Variants in SH2D4A observed in about 807,000 individuals in gnomAD.
SH2D4A encodes SH2 domain-containing protein 4A.
In SH2D4A, 70 loss-of-function variants were observed where a neutral mutation model predicts 64.7. The observed-to-expected ratio is 1.08, with a 90% CI of 0.89 to 1.32. The LOEUF (loss-of-function observed/expected upper bound fraction) is 1.32. Ranked by LOEUF, SH2D4A falls within the 40% of genes most tolerant of loss-of-function variation. The probability of loss-of-function intolerance (pLI) is 0.00; values close to 1 mark genes in which losing one functional copy is unlikely to be tolerated. For missense variants in SH2D4A, 706 were observed against 540.1 expected (o/e 1.31, Z -3.04); for synonymous variants, 268 against 200.7 (o/e 1.34, Z -2.83).
rs1253740807 is a variant in SH2D4A, at chr8:19,363,426, T to A, written c.707-646T>A. Among the ~76,000 whole-genome samples, 11 of 152,180 alleles carry A rather than the reference T, an allele frequency of 7.2e-5. No individual in the cohort carries two copies. In the East Asian group the frequency reaches 1.9e-3, roughly 27 times the overall value. Reference sequence around the variant, plus strand: ...CAAATACTCTTGTGTTACAGTTGCCTTATGATGCATTTCTCAGGATTTATT... The same window carrying A: ...CAAATACTCTTGTGTTACAGTTGCCATATGATGCATTTCTCAGGATTTATT... On this transcript the variant is annotated intron_variant, in intron 6 of 9. Coordinates refer to ENST00000265807, the MANE Select transcript of SH2D4A (RefSeq NM_022071.4).
intron 7 of SH2D4A, among the ~76,000 whole-genome samples, chr8:19,373,305 C>CTCCCATTCTGT (rs1563206815): frequency 2.7e-5 from 4 of 150,676 alleles, no homozygotes; most frequent in African/African-American, 9.8e-5. Flanking sequence ...ATTCCCTCTC[C>CTCCCATTCTGT]CTCCCATTCT....
chr8:19,390,513 C>T (rs1403235240), intron 8 of SH2D4A, among the ~76,000 whole-genome samples: 1 of 152,194 alleles, frequency 6.6e-6, no homozygotes, highest in African/African-American at 2.4e-5. Flanking sequence ...GCACACAGTG[C>T]CCCTGATGGA....
At chr8:19,367,555 T>C (rs1039355174) in intron 7 of SH2D4A, among the ~76,000 whole-genome samples, 2 of 152,206 alleles carry the variant, frequency 1.3e-5, no homozygotes, top group African/African-American at 2.4e-5. Context: ...GAGAAATGCC[T>C]ATTGAGGTTT....
chr8:19,360,691 C>G (rs1202145751), intron 5 of SH2D4A: 1 of 152,172 alleles, frequency 6.6e-6, no homozygotes, highest in Non-Finnish European at 1.5e-5. Flanking sequence ...GGACACATGA[C>G]TCGGGGGAGA....
chr8:19,391,648 G>A (rs942230722), intron 8 of SH2D4A, among the ~76,000 whole-genome samples: 2 of 152,152 alleles, frequency 1.3e-5, no homozygotes, highest in Non-Finnish European at 2.9e-5. Flanking sequence ...TGGGGTCTGT[G>A]TTCTCCTAAA....
intron 1 of SH2D4A, among the ~76,000 whole-genome samples, chr8:19,315,382 C>G (rs1430609499): frequency 2.0e-5 from 3 of 152,220 alleles, no homozygotes; most frequent in African/African-American, 7.2e-5. Context: ...GCAATCCACC[C>G]ATGTCCACCT....
At chr8:19,378,340 C>A (rs1289779536) in intron 8 of SH2D4A, among the ~76,000 whole-genome samples, 1 of 152,028 alleles carries the variant, frequency 6.6e-6, no homozygotes. Flanking sequence ...CACAATCCAC[C>A]CATATTTTAT....
intron 7 of SH2D4A, among the ~76,000 whole-genome samples, chr8:19,364,519 G>C (rs544263936): frequency 1.4e-4 from 21 of 152,154 alleles, no homozygotes; most frequent in Admixed American, 1.2e-3. Flanking sequence ...CAGTGAAATA[G>C]TAAAGCTGTG....
chr8:19,373,650 C>T lies in SH2D4A; in HGVS notation c.1038C>T (p.Pro346=). 1.2e-6 allele frequency: 2 copies of T among 1,613,126 alleles called. No individual in the cohort carries two copies. The highest frequency in any genetic ancestry group is 8.5e-7 in the Non-Finnish European group (1 of 1,179,474). The change falls in exon 8 of 10, where the codon CCC becomes CCT. Residue 346 remains proline (P), a synonymous_variant. Coordinates refer to ENST00000265807, the MANE Select transcript of SH2D4A (RefSeq NM_022071.4). ...AGAAAACCTCAGACACCATAGCCCCCTGGTTCCATGGTGAGTGCAGAGATT... is the reference window on the plus strand; with the variant it reads ...AGAAAACCTCAGACACCATAGCCCCTTGGTTCCATGGTGAGTGCAGAGATT... ...GYQKTSDTIA[P]WFHGILTLKK...
In SH2D4A at chr8:19,354,144, A is replaced by G. The variant is rs555340767; in HGVS notation, c.514-3059A>G. ...TAACTGGGATTAACAGGCATGTGCC[A>G]CCATGCACCACCATGCCAGCTAATT... On this transcript the variant is annotated intron_variant, in intron 4 of 9. Transcript: ENST00000265807. Among the ~76,000 whole-genome samples the G allele has an allele frequency of 9.9e-5, 15 of 152,042 alleles. No individual in the cohort carries two copies. The South Asian group carries it at 2.5e-3, about 25-fold the overall frequency.
intron 2 of SH2D4A, among the ~76,000 whole-genome samples, chr8:19,326,669 T>C (rs1056317174): frequency 6.6e-6 from 1 of 151,880 alleles, no homozygotes; most frequent in Non-Finnish European, 1.5e-5. Context: ...TGTGAGTGTG[T>C]GTGTGTGTAG....
At chr8:19,383,484 A>G (rs2053334367) in intron 8 of SH2D4A, among the ~76,000 whole-genome samples, 1 of 150,490 alleles carries the variant, frequency 6.6e-6, no homozygotes, top group Non-Finnish European at 1.5e-5. Flanking sequence ...GGTCTTTTTC[A>G]GTGACAGTTT....
At chr8:19,357,741 G>A (rs901460146) in intron 5 of SH2D4A, among the ~76,000 whole-genome samples, 8 of 152,096 alleles carry the variant, frequency 5.3e-5, no homozygotes, top group African/African-American at 9.7e-5. Context: ...CCTCTCTCAC[G>A]TCCATCTAGA....
intron 7 of SH2D4A, among the ~76,000 whole-genome samples, chr8:19,368,844 C>T (rs10108589): frequency 0.012 from 1,846 of 152,174 alleles, 36 homozygotes; most frequent in African/African-American, 0.042. Context: ...TGACTCATTC[C>T]TGTGCCTAGG....
At chr8:19,356,404 C>T (rs1426348339) in intron 4 of SH2D4A, among the ~76,000 whole-genome samples, 1 of 152,154 alleles carries the variant, frequency 6.6e-6, no homozygotes, top group Non-Finnish European at 1.5e-5. Flanking sequence ...AGACACAAGG[C>T]ATATACTTTG....
At chr8:19,378,454 A>G (rs914276515) in intron 8 of SH2D4A, among the ~76,000 whole-genome samples, 3 of 152,138 alleles carry the variant, frequency 2.0e-5, no homozygotes, top group African/African-American at 7.2e-5. Flanking sequence ...TGTTGTTTTG[A>G]GATGGAGTCT....
intron 4 of SH2D4A, among the ~76,000 whole-genome samples, chr8:19,352,490 T>TA (rs1320680068): frequency 6.6e-6 from 1 of 152,218 alleles, no homozygotes; most frequent in Non-Finnish European, 1.5e-5. Flanking sequence ...TGGCAGTTTT[T>TA]ATGTTTAAAT....
intron 8 of SH2D4A, among the ~76,000 whole-genome samples, chr8:19,391,271 C>T (rs557202630): frequency 4.8e-4 from 73 of 152,254 alleles, no homozygotes; most frequent in South Asian, 8.3e-4. Flanking sequence ...GGGAAATAGA[C>T]AAACAGAAGG....
At chr8:19,320,913 C>T (rs780252690) in intron 2 of SH2D4A, among the ~76,000 whole-genome samples, 24 of 152,200 alleles carry the variant, frequency 1.6e-4, no homozygotes, top group Non-Finnish European at 2.9e-4. Flanking sequence ...ATGAATCTCT[C>T]TTGCATCCCT....
Sources: gnomAD v4.1 joint callset for allele counts (sites outside exome capture counted in the v4.1 genomes callset) on GRCh38, gnomAD v4.1.1 for gene constraint, MANE v1.5 for transcripts, NCBI Gene and HGNC (gene_info 2026-07-23, HGNC 2026-07-21) for gene names.